LHFPL2: variants seen among roughly 807,000 people sequenced by gnomAD.
LHFPL2 encodes the protein LHFPL tetraspan subfamily member 2.
LHFPL2 carries 7 observed loss-of-function variants against 17.5 expected under a neutral mutation model. The observed-to-expected ratio is 0.40, with a 90% CI of 0.23 to 0.75. The LOEUF is 0.75. Ranked by LOEUF, LHFPL2 falls within the 30% of genes least tolerant of loss-of-function variation. The pLI is 0.37. For synonymous variants in LHFPL2, 134 were observed against 116.2 expected (o/e 1.15, Z -0.99); for missense variants, 241 against 294.8 (o/e 0.82, Z 1.34).
intron 2 of LHFPL2, among the ~76,000 whole-genome samples, chr5:78,579,898 G>C (rs1227918656): frequency 2.6e-5 from 4 of 152,274 alleles, no homozygotes; most frequent in Middle Eastern, 3.4e-3. Flanking sequence ...TTCTAGTCTA[G>C]TTCTAGATCC....
At chr5:78,523,574 A>G (rs1239985925) in intron 3 of LHFPL2, among the ~76,000 whole-genome samples, 1 of 152,176 alleles carries the variant, frequency 6.6e-6, no homozygotes, top group Non-Finnish European at 1.5e-5. Context: ...CCAAGGGCGA[A>G]GAATGAGGGG....
In LHFPL2 at chr5:78,488,957, G is replaced by A. The variant is rs757520476; in HGVS notation, c.627C>T (p.Thr209=). ...AVFSAQAEIA[T]SSDKVQEEIE... The stretch of plus-strand genomic sequence containing the variant: ...TTTCTTCCTGTACTTTGTCACTAGA[G>A]GTTGCAATTTCTGCTTGTGCAGAGA... The change falls in exon 5 of 5, where the codon ACC becomes ACT. Residue 209 remains threonine (T), a synonymous_variant. Coordinates refer to ENST00000380345, the MANE Select transcript of LHFPL2 (RefSeq NM_005779.3). 1.9e-6 allele frequency: 3 copies of A among 1,614,196 alleles called. No homozygotes were observed. The Admixed American group carries it at 5.0e-5, about 27-fold the overall frequency.
chr5:78,547,582 C>T (rs1215599429), intron 3 of LHFPL2, among the ~76,000 whole-genome samples: 1 of 152,232 alleles, frequency 6.6e-6, no homozygotes, highest in African/African-American at 2.4e-5. Flanking sequence ...AATGAAAATG[C>T]CTTTCTCATG....
intron 1 of LHFPL2, chr5:78,644,255 G>T: frequency 1.3e-6 from 1 of 754,170 alleles, no homozygotes. Flanking sequence ...AAAAAACTGT[G>T]CTAGAACCAA....
At chr5:78,618,436 G>A (rs796325338) in intron 2 of LHFPL2, among the ~76,000 whole-genome samples, 206 of 152,300 alleles carry the variant, frequency 1.4e-3, no homozygotes, top group African/African-American at 4.4e-3. Flanking sequence ...GGCAGCATTC[G>A]GCCGGTGGAC....
chr5:78,634,390 C>T (rs1460756578), intron 1 of LHFPL2, among the ~76,000 whole-genome samples: 1 of 152,190 alleles, frequency 6.6e-6, no homozygotes, highest in African/African-American at 2.4e-5. Flanking sequence ...ATTCTCAGTG[C>T]ACCTCAAGTA....
intron 2 of LHFPL2, among the ~76,000 whole-genome samples, chr5:78,619,129 G>A (rs1308059930): frequency 6.6e-6 from 1 of 152,100 alleles, no homozygotes; most frequent in African/African-American, 2.4e-5. Context: ...GGGCTCAAAC[G>A]ACCCTCCCAC....
chr5:78,492,590 C>T (rs1754481285), intron 4 of LHFPL2, among the ~76,000 whole-genome samples: 1 of 152,226 alleles, frequency 6.6e-6, no homozygotes, highest in Non-Finnish European at 1.5e-5. Context: ...TTTCTAATGG[C>T]TCAGGTGTGA....
chr5:78,591,286 C>CG (rs1488033818), intron 2 of LHFPL2, among the ~76,000 whole-genome samples: 1 of 152,130 alleles, frequency 6.6e-6, no homozygotes, highest in Non-Finnish European at 1.5e-5. Flanking sequence ...ATTCAAAGAA[C>CG]GGGGGAAGCA....
intron 1 of LHFPL2, among the ~76,000 whole-genome samples, chr5:78,634,212 G>A (rs1003189598): frequency 1.3e-5 from 2 of 152,184 alleles, no homozygotes; most frequent in Non-Finnish European, 2.9e-5. Context: ...AGGGGTTAGG[G>A]GGCGGTGGGG....
At chr5:78,553,206 A>G (rs559955327) in intron 3 of LHFPL2, among the ~76,000 whole-genome samples, 1 of 151,858 alleles carries the variant, frequency 6.6e-6, no homozygotes, top group African/African-American at 2.4e-5. Flanking sequence ...TCCTGACCAC[A>G]CTCTGCACTT....
intron 3 of LHFPL2, among the ~76,000 whole-genome samples, chr5:78,511,286 G>A (rs944063930): frequency 1.3e-5 from 2 of 152,154 alleles, no homozygotes; most frequent in African/African-American, 2.4e-5. Flanking sequence ...CCTAAGCTTC[G>A]ATTCACCCCA....
In LHFPL2 at chr5:78,525,979, C is replaced by A. The variant is rs575091471; in HGVS notation, c.-185-15581G>T. 1.2e-4 allele frequency among the ~76,000 whole-genome samples: 19 copies of A among 152,302 alleles called. 1 individual carries two copies. The South Asian group carries it at 3.9e-3, about 32-fold the overall frequency. On this transcript the variant is annotated intron_variant, in intron 3 of 4. Coordinates refer to ENST00000380345, the MANE Select transcript of LHFPL2 (RefSeq NM_005779.3). ...GCCTTCCAGCTTCTTCCTATCTGAG[C>A]CTGCTGAAGAAGGCAGCAGAGCCAC...
intron 3 of LHFPL2, among the ~76,000 whole-genome samples, chr5:78,540,171 A>G (rs1756068435): frequency 6.6e-6 from 1 of 152,236 alleles, no homozygotes; most frequent in East Asian, 1.9e-4. Context: ...TATGCCCATC[A>G]ATACCCACTG....
intron 3 of LHFPL2, among the ~76,000 whole-genome samples, chr5:78,550,659 C>A (rs1284289411): frequency 1.3e-5 from 2 of 152,150 alleles, no homozygotes; most frequent in African/African-American, 4.8e-5. Context: ...CAATCTCCGC[C>A]TCCCGGGTTC....
At chr5:78,621,690 C>G (rs1744861832) in intron 2 of LHFPL2, among the ~76,000 whole-genome samples, 1 of 152,056 alleles carries the variant, frequency 6.6e-6, no homozygotes, top group African/African-American at 2.4e-5. Context: ...TCAATGACAC[C>G]AATACATGGC....
chr5:78,573,797 T>TA (rs1757062846), intron 2 of LHFPL2, among the ~76,000 whole-genome samples: 1 of 152,208 alleles, frequency 6.6e-6, no homozygotes, highest in Non-Finnish European at 1.5e-5. Context: ...TTCTAATTTT[T>TA]ATGTCCATTT....
At chr5:78,556,229 A>C (rs1756569319) in intron 3 of LHFPL2, among the ~76,000 whole-genome samples, 1 of 152,250 alleles carries the variant, frequency 6.6e-6, no homozygotes, top group African/African-American at 2.4e-5. Context: ...CATACAATAC[A>C]TGTAAAATTA....
intron 3 of LHFPL2, among the ~76,000 whole-genome samples, chr5:78,525,980 C>G (rs751641897): frequency 1.8e-4 from 28 of 152,222 alleles, no homozygotes; most frequent in Non-Finnish European, 4.0e-4. Context: ...CTATCTGAGC[C>G]TGCTGAAGAA....
Sources: gnomAD v4.1 joint callset for allele counts (sites outside exome capture counted in the v4.1 genomes callset) on GRCh38, gnomAD v4.1.1 for gene constraint, MANE v1.5 for transcripts, NCBI Gene and HGNC (gene_info 2026-07-23, HGNC 2026-07-21) for gene names.